SLC25A13: variants seen among roughly 807,000 people sequenced by gnomAD.
SLC25A13 encodes solute carrier family 25 member 13, also known as electrogenic aspartate/glutamate antiporter SLC25A13, mitochondrial.
In SLC25A13, 70 loss-of-function variants were observed where a neutral mutation model predicts 85.5. That is an observed-to-expected ratio of 0.82 (90% CI 0.68 to 1.00). The LOEUF is 1.00. Ranked by LOEUF, SLC25A13 falls within the 50% of genes least tolerant of loss-of-function variation. The pLI, the probability that SLC25A13 is intolerant of heterozygous loss-of-function variation, is 0.00. For synonymous variants in SLC25A13, 259 were observed against 288.7 expected (o/e 0.90, Z 1.04); for missense variants, 765 against 819.8 (o/e 0.93, Z 0.82).
intron 1 of SLC25A13, among the ~76,000 whole-genome samples, chr7:96,309,199 A>T (rs1475002980): frequency 2.0e-5 from 3 of 152,252 alleles, no homozygotes; most frequent in African/African-American, 7.2e-5. Flanking sequence ...TACTGAGACT[A>T]GCAGGGCTGA....
chr7:96,170,149 G>A, intron 12 of SLC25A13, 24 bp from the exon 13 acceptor site: 1 of 1,597,270 alleles, frequency 6.3e-7, no homozygotes, highest in Non-Finnish European at 8.6e-7. Context: ...ATTTATAGAA[G>A]CTGATGAAAA....
chr7:96,148,199 T>G (rs1792882082), intron 13 of SLC25A13, among the ~76,000 whole-genome samples: 2 of 152,134 alleles, frequency 1.3e-5, no homozygotes, highest in Admixed American at 1.3e-4. Context: ...CCAACCTGGG[T>G]TGGATTCACT....
chr7:96,216,954 T>C (rs565770822), intron 4 of SLC25A13, among the ~76,000 whole-genome samples: 7 of 152,224 alleles, frequency 4.6e-5, no homozygotes, highest in African/African-American at 1.4e-4. Context: ...AAATAGCCTA[T>C]AGACTAGGAG....
Position 96,277,423 on chromosome 7 carries a change from A to G in SLC25A13, c.70-85T>C, listed in dbSNP as rs145378774. On this transcript the variant is annotated intron_variant, in intron 2 of 17. Transcript: ENST00000265631. ...TGAGAGTGATATGTGAAAAAGTTGA[A>G]AATATCCAAACGATAAAATATCAGA... is the stretch of plus-strand genomic sequence containing the variant. 78 of 1,265,052 alleles carry G rather than the reference A, an allele frequency of 6.2e-5. No individual in the cohort carries two copies. The East Asian group carries it at 2.0e-3, about 32-fold the overall frequency. 78.4% of individuals were successfully genotyped at this position (1,265,052 alleles called of 1,614,324 possible). A position where few individuals can be genotyped will look rare whatever the true frequency, so the allele number is the denominator to read the frequency against.
intron 3 of SLC25A13, among the ~76,000 whole-genome samples, chr7:96,260,065 G>A (rs530076143): frequency 2.0e-5 from 3 of 151,968 alleles, no homozygotes; most frequent in East Asian, 1.9e-4. Flanking sequence ...GGGGTGGGGA[G>A]CAAGGGGAGG....
At chr7:96,285,826 A>G (rs1186534894) in intron 2 of SLC25A13, among the ~76,000 whole-genome samples, 2 of 152,196 alleles carry the variant, frequency 1.3e-5, no homozygotes, top group Non-Finnish European at 2.9e-5. Flanking sequence ...CAGGCACTCA[A>G]TACACATCTG....
At chr7:96,288,928 A>G (rs904174644) in intron 2 of SLC25A13, among the ~76,000 whole-genome samples, 1 of 152,186 alleles carries the variant, frequency 6.6e-6, no homozygotes, top group Non-Finnish European at 1.5e-5. Context: ...CTCCCAGCAC[A>G]GGGTTTGAGA....
intron 1 of SLC25A13, among the ~76,000 whole-genome samples, chr7:96,305,523 C>T (rs1277387909): frequency 6.6e-6 from 1 of 152,022 alleles, no homozygotes; most frequent in Admixed American, 6.6e-5. Context: ...ATTACCACGC[C>T]CAATATAATT....
rs115361086 is a variant in SLC25A13 at position 96,314,176 on chromosome 7, G to A, written c.15+7766C>T. Reference sequence around the variant, plus strand: ...GACGAAGAAGAAGGAAGAAGAAGAAGAAGCCTGCAAAGGAGAATAAAGGGG... The same window carrying A: ...GACGAAGAAGAAGGAAGAAGAAGAAAAAGCCTGCAAAGGAGAATAAAGGGG... On this transcript the variant is annotated intron_variant, in intron 1 of 17. Coordinates refer to ENST00000265631, the MANE Select transcript of SLC25A13 (RefSeq NM_014251.3). Among the ~76,000 whole-genome samples, 969 of 152,122 alleles carry A rather than the reference G, an allele frequency of 6.4e-3. 17 individuals are homozygous for A. The highest frequency in any genetic ancestry group is 0.023 in the African/African-American group (937 of 41,508).
intron 4 of SLC25A13, among the ~76,000 whole-genome samples, chr7:96,215,308 G>A (rs1795850160): frequency 6.6e-6 from 1 of 152,078 alleles, no homozygotes; most frequent in Non-Finnish European, 1.5e-5. Flanking sequence ...TGTTGGTCAG[G>A]CTGGTCTCGA....
chr7:96,187,285 A>G (rs556964856), intron 9 of SLC25A13, among the ~76,000 whole-genome samples: 1 of 152,302 alleles, frequency 6.6e-6, no homozygotes, highest in African/African-American at 2.4e-5. Flanking sequence ...ATAATCAGCA[A>G]CCCCAGCTAT....
At chr7:96,321,390 T>C (rs1800334153) in intron 1 of SLC25A13, among the ~76,000 whole-genome samples, 1 of 152,170 alleles carries the variant, frequency 6.6e-6, no homozygotes, top group African/African-American at 2.4e-5. Flanking sequence ...GGAGAGTCCC[T>C]GGACTTTTTA....
chr7:96,209,763 A>T (rs988827737), intron 4 of SLC25A13, among the ~76,000 whole-genome samples: 3 of 152,052 alleles, frequency 2.0e-5, no homozygotes, highest in Non-Finnish European at 4.4e-5. Flanking sequence ...AACATGAAAA[A>T]CCTTACTTTT....
intron 5 of SLC25A13, among the ~76,000 whole-genome samples, chr7:96,202,417 A>T (rs1349377110): frequency 6.6e-6 from 1 of 152,042 alleles, no homozygotes; most frequent in East Asian, 1.9e-4. Flanking sequence ...TCATTCTTAA[A>T]CTCTATTTGA....
intron 14 of SLC25A13, 83 bp from the exon 15 acceptor site, chr7:96,131,964 A>G: frequency 1.9e-6 from 3 of 1,589,742 alleles, no homozygotes; most frequent in Middle Eastern, 1.7e-4. Context: ...TCACCTCAGA[A>G]CAAAATATTC....
chr7:96,192,606 C>G (rs1411696453), intron 6 of SLC25A13, among the ~76,000 whole-genome samples: 1 of 151,890 alleles, frequency 6.6e-6, no homozygotes, highest in Admixed American at 6.6e-5. Context: ...GGCCTCGACA[C>G]ATACACGGTG....
chr7:96,281,392 A>AAC (rs891652845), intron 2 of SLC25A13, among the ~76,000 whole-genome samples: 19 of 136,436 alleles, frequency 1.4e-4, no homozygotes, highest in African/African-American at 5.0e-4. Context: ...ACTCCATCTC[A>AAC]AAAAAAAAAA....
At chr7:96,242,263 T>C (rs553000645) in intron 3 of SLC25A13, among the ~76,000 whole-genome samples, 2 of 152,208 alleles carry the variant, frequency 1.3e-5, no homozygotes, top group African/African-American at 2.4e-5. Flanking sequence ...AAGAAAAATC[T>C]GGAACTGGAC....
At chr7:96,128,939 G>GCTCTCT (rs58984088) in intron 15 of SLC25A13, among the ~76,000 whole-genome samples, 11,827 of 81,568 alleles carry the variant, frequency 0.14, 1,754 homozygotes, top group African/African-American at 0.19. Context: ...TGCCTTGCTT[G>GCTCTCT]CTCTCTCTCT....
Sources: allele counts gnomAD v4.1 joint callset (sites outside exome capture counted in the v4.1 genomes callset), GRCh38; gene constraint gnomAD v4.1.1; transcripts MANE v1.5; gene names NCBI Gene and HGNC (gene_info 2026-07-23, HGNC 2026-07-21).